The following SORCS1 variants were observed in gnomAD, a reference collection of about 807,000 sequenced individuals.
SORCS1 encodes sortilin related VPS10 domain containing receptor 1.
SORCS1 carries 60 observed loss-of-function variants against 146.1 expected under a neutral mutation model. The observed-to-expected ratio is 0.41, with a 90% confidence interval of 0.33 to 0.51. The LOEUF (loss-of-function observed/expected upper bound fraction) is 0.51, where lower values mean the gene tolerates loss of function less well. SORCS1 is among the 20% of genes least tolerant of loss of function. The pLI is 0.21. For synonymous variants in SORCS1, 637 were observed against 584.0 expected (o/e 1.09, Z -1.31); for missense variants, 1,352 against 1,487.6 (o/e 0.91, Z 1.50).
At chr10:106,801,628 C>T (rs1044631291) in intron 3 of SORCS1, among the ~76,000 whole-genome samples, 1 of 148,644 alleles carries the variant, frequency 6.7e-6, no homozygotes, top group Non-Finnish European at 1.5e-5. Context: ...CTCCCAGGTT[C>T]ACGCCATTCT....
At chr10:106,866,082 C>G (rs1485131486) in intron 2 of SORCS1, among the ~76,000 whole-genome samples, 2 of 151,724 alleles carry the variant, frequency 1.3e-5, no homozygotes, top group Non-Finnish European at 2.9e-5. Flanking sequence ...GTTCCCATAT[C>G]TCCTCACTGG....
intron 19 of SORCS1, among the ~76,000 whole-genome samples, chr10:106,624,909 G>A (rs1258529341): frequency 1.3e-5 from 2 of 152,238 alleles, no homozygotes; most frequent in Non-Finnish European, 2.9e-5. Flanking sequence ...AGAGGGTGCA[G>A]TATGCCCTAT....
chr10:107,166,542 G>C (rs1240275385), upstream of SORCS1, among the ~76,000 whole-genome samples: 2 of 152,230 alleles, frequency 1.3e-5, no homozygotes, highest in African/African-American at 2.4e-5. Flanking sequence ...CTCCAAAACA[G>C]AAAGGCTGTC....
intron 1 of SORCS1, among the ~76,000 whole-genome samples, chr10:107,121,064 G>A (rs1376415378): frequency 2.0e-5 from 3 of 152,176 alleles, no homozygotes; most frequent in African/African-American, 2.4e-5. Context: ...AATCACAGGT[G>A]TCTTTGGAGC....
intron 3 of SORCS1, among the ~76,000 whole-genome samples, chr10:106,777,646 C>T (rs555213203): frequency 7.3e-4 from 111 of 152,266 alleles, no homozygotes; most frequent in African/African-American, 2.7e-3. Context: ...CATTGGGATG[C>T]CCAATTTTGT....
At chr10:107,062,430 T>C (rs1165802814) in intron 1 of SORCS1, among the ~76,000 whole-genome samples, 1 of 151,972 alleles carries the variant, frequency 6.6e-6, no homozygotes, top group East Asian at 1.9e-4. Flanking sequence ...GTTACTTTAA[T>C]TATAATTATA....
Position 106,980,419 on chromosome 10 carries a change from A to G in SORCS1, c.559-23839T>C, listed in dbSNP as rs546926145. Among the ~76,000 whole-genome samples the G allele has an allele frequency of 2.0e-5, 3 of 152,380 alleles. No individual in the cohort carries two copies. The East Asian group carries it at 5.8e-4, about 29-fold the overall frequency. On this transcript the variant is annotated intron_variant, in intron 1 of 25. Coordinates refer to ENST00000263054, the MANE Select transcript of SORCS1 (RefSeq NM_052918.5). Reference sequence around the variant, plus strand: ...TCTATCTTGGAGAACAATAGTAGGTAGAAATACTGGCAAAAATACCCTGGA... The same window carrying G: ...TCTATCTTGGAGAACAATAGTAGGTGGAAATACTGGCAAAAATACCCTGGA...
At chr10:106,578,595 T>A in intron 25 of SORCS1, 1 of 926,236 alleles carries the variant, frequency 1.1e-6, no homozygotes, top group African/African-American at 1.8e-5. Flanking sequence ...CCCTGGAGGA[T>A]CAGGCTGGCC....
At chr10:106,593,128 CAAAA>C (rs1211788882) in intron 24 of SORCS1, among the ~76,000 whole-genome samples, 5 of 80,758 alleles carry the variant, frequency 6.2e-5, no homozygotes, top group Non-Finnish European at 1.0e-4. Context: ...GACCCCATCT[CAAAA>C]AAAAAAAAAA....
At chr10:106,740,146 C>T (rs1390361248) in intron 5 of SORCS1, among the ~76,000 whole-genome samples, 2 of 152,130 alleles carry the variant, frequency 1.3e-5, no homozygotes, top group African/African-American at 4.8e-5. Context: ...TGTGGAAATG[C>T]AGTACAGTAC....
intron 2 of SORCS1, among the ~76,000 whole-genome samples, chr10:106,872,372 C>A (rs1950444501): frequency 6.6e-6 from 1 of 152,190 alleles, no homozygotes; most frequent in South Asian, 2.1e-4. Flanking sequence ...ATATTTGAGG[C>A]AAAGTCTGTA....
chr10:106,678,519 A>G (rs1276791297), intron 12 of SORCS1, among the ~76,000 whole-genome samples: 1 of 152,216 alleles, frequency 6.6e-6, no homozygotes, highest in Non-Finnish European at 1.5e-5. Flanking sequence ...ATTAGATTTC[A>G]ATTTACAGTG....
intron 3 of SORCS1, among the ~76,000 whole-genome samples, chr10:106,800,627 T>C (rs1946819649): frequency 1.3e-5 from 2 of 150,716 alleles, no homozygotes; most frequent in South Asian, 4.2e-4. Flanking sequence ...GTTCATGCCA[T>C]TCCCCTACCT....
intron 17 of SORCS1, among the ~76,000 whole-genome samples, chr10:106,654,907 C>G (rs1288582100): frequency 1.3e-5 from 2 of 151,914 alleles, no homozygotes; most frequent in African/African-American, 4.8e-5. Flanking sequence ...CTTTACTTGG[C>G]TCACTGCGGC....
At chr10:106,718,084 C>A (rs1251400800) in intron 6 of SORCS1, among the ~76,000 whole-genome samples, 1 of 152,154 alleles carries the variant, frequency 6.6e-6, no homozygotes, top group African/African-American at 2.4e-5. Context: ...GCCTAGAAGG[C>A]TGCCTGGAAT....
At chr10:106,990,830 A>G (rs933497424) in intron 1 of SORCS1, among the ~76,000 whole-genome samples, 2 of 152,264 alleles carry the variant, frequency 1.3e-5, no homozygotes, top group Non-Finnish European at 2.9e-5. Context: ...AATTAAAATA[A>G]AATCTCATTA....
At chr10:106,776,963 T>C (rs1860484404) in intron 3 of SORCS1, among the ~76,000 whole-genome samples, 1 of 152,196 alleles carries the variant, frequency 6.6e-6, no homozygotes, top group Admixed American at 6.5e-5. Context: ...TAGGGGACTC[T>C]TTGTTTTATT....
rs143534367 is a variant in SORCS1, at chr10:107,060,633, C to T, written c.558+103336G>A. 1.5e-3 allele frequency among the ~76,000 whole-genome samples: 233 copies of T among 152,216 alleles called. No homozygotes were observed. The highest frequency in any genetic ancestry group is 5.2e-3 in the African/African-American group (216 of 41,540). On this transcript the variant is annotated intron_variant, in intron 1 of 25. Transcript: ENST00000263054. This position sits in a 1 kb window ranked among gnomAD's most constrained non-coding sequence, Gnocchi z 4.1. ...CCAATCTATATCTTTGCCAACAACCCTTTTCCCTTACTTTGTGATATTTGT... is the reference window on the plus strand; with the variant it reads ...CCAATCTATATCTTTGCCAACAACCTTTTTCCCTTACTTTGTGATATTTGT...
chr10:107,044,142 G>A (rs1241884562), intron 1 of SORCS1, among the ~76,000 whole-genome samples: 4 of 152,094 alleles, frequency 2.6e-5, no homozygotes, highest in Middle Eastern at 3.2e-3. Context: ...ATGAAATCAG[G>A]AGATCTTTCT....
Sources: gnomAD v4.1 joint callset for allele counts (sites outside exome capture counted in the v4.1 genomes callset) on GRCh38, gnomAD v4.1.1 for gene constraint, Gnocchi (gnomAD v3.1) non-coding constraint, MANE v1.5 for transcripts, NCBI Gene and HGNC (gene_info 2026-07-23, HGNC 2026-07-21) for gene names.